Variants in CDH23 observed in about 807,000 individuals in gnomAD.
The protein encoded by CDH23 is cadherin related 23.
CDH23 carries 189 observed loss-of-function variants against 317.1 expected under a neutral mutation model. That is an observed-to-expected ratio of 0.60 (90% CI 0.53 to 0.67). The LOEUF is 0.67. CDH23 is among the 30% of genes least tolerant of loss of function. The probability of loss-of-function intolerance (pLI) is 0.00; values close to 1 mark genes in which losing one functional copy is unlikely to be tolerated. For missense variants in CDH23, 4,401 were observed against 4,592.4 expected, an observed-to-expected ratio of 0.96 and a Z score of 1.20; for synonymous variants, 1,839 against 1,876.8, an observed-to-expected ratio of 0.98 and a Z score of 0.52.
chr10:71,575,533 C>T (rs911041095), intron 8 of CDH23, among the ~76,000 whole-genome samples: 1 of 152,188 alleles, frequency 6.6e-6, no homozygotes, highest in Non-Finnish European at 1.5e-5. Flanking sequence ...CCTCCCATTA[C>T]AAACAGCGGG....
In CDH23 at chr10:71,645,895, C is replaced by A. The variant is rs373168635; in HGVS notation, c.1205C>A (p.Pro402Gln). The change falls in exon 13 of 70, where the codon CCG (proline) becomes CAG (glutamine). Residue 402 changes from proline to glutamine, a missense_variant. Physicochemically the swap from Pro to Gln is moderately conservative, Grantham distance 76. Coordinates refer to ENST00000224721, the MANE Select transcript of CDH23 (RefSeq NM_022124.6). The stretch of plus-strand genomic sequence containing the variant: ...AACTCCCACCACTTCATCATCTCCC[C>A]GACCTCCGTCCAGGGGAAGGCGGAC... Reference protein sequence around the residue: ...GNNSHHFIISPTSVQGKADIR... With the variant: ...GNNSHHFIISQTSVQGKADIR... 1 of 1,613,638 alleles carries A rather than the reference C, an allele frequency of 6.2e-7. No homozygotes were observed. Among genetic ancestry groups the A allele is most frequent in the East Asian group, 2.2e-5 (1 of 44,864 alleles).
chr10:71,613,014 G>GT (rs1399165749), intron 9 of CDH23, among the ~76,000 whole-genome samples: 1 of 152,126 alleles, frequency 6.6e-6, no homozygotes, highest in Admixed American at 6.5e-5. Context: ...ACACCCAGCT[G>GT]TTTTTTGTAT....
intron 6 of CDH23, among the ~76,000 whole-genome samples, chr10:71,539,518 T>A (rs1191228880): frequency 1.3e-5 from 2 of 152,062 alleles, no homozygotes; most frequent in African/African-American, 2.4e-5. Flanking sequence ...TCAAGCCTGA[T>A]GAACTAAATG....
At chr10:71,712,874 C>T in intron 28 of CDH23, 61 bp downstream of exon 28, 4 of 1,569,030 alleles carry the variant, frequency 2.5e-6, no homozygotes, top group Admixed American at 1.8e-5. Flanking sequence ...CCACACACGG[C>T]CCTGAGGGCA....
chr10:71,691,717 C>G (rs1468529792), intron 20 of CDH23, among the ~76,000 whole-genome samples: 2 of 152,176 alleles, frequency 1.3e-5, no homozygotes, highest in Non-Finnish European at 2.9e-5. Flanking sequence ...CAGTCACATC[C>G]AAGTAATAAT....
At chr10:71,479,017 GA>G (rs1187761470) in intron 3 of CDH23, among the ~76,000 whole-genome samples, 2 of 152,152 alleles carry the variant, frequency 1.3e-5, no homozygotes, top group African/African-American at 2.4e-5. Context: ...GCCATTTACC[GA>G]GTGTCCACTT....
chr10:71,812,197 C>A, intron 66 of CDH23, 182 bp downstream of exon 66: 1 of 1,583,892 alleles, frequency 6.3e-7, no homozygotes, highest in Non-Finnish European at 8.6e-7. Flanking sequence ...CTGACAGGGG[C>A]TCTCCACCCC....
At chr10:71,634,231 C>T (rs935284718) in intron 11 of CDH23, among the ~76,000 whole-genome samples, 3 of 152,240 alleles carry the variant, frequency 2.0e-5, no homozygotes, top group Non-Finnish European at 4.4e-5. Context: ...TGCTGCCCCT[C>T]AGGCCCTGTG....
chr10:71,560,753 C>A (rs947520819), intron 6 of CDH23, among the ~76,000 whole-genome samples: 1 of 152,092 alleles, frequency 6.6e-6, no homozygotes, highest in Non-Finnish European at 1.5e-5. Context: ...CTGAGTAGCA[C>A]AGGAGGCTGT....
chr10:71,788,525 C>T (rs561818756), intron 44 of CDH23, among the ~76,000 whole-genome samples: 7 of 151,398 alleles, frequency 4.6e-5, no homozygotes, highest in Admixed American at 6.6e-5. Flanking sequence ...GCGTGATATC[C>T]GCTCGCTGCA....
At chr10:71,586,310 A>G (rs1859061010) in intron 9 of CDH23, among the ~76,000 whole-genome samples, 1 of 152,094 alleles carries the variant, frequency 6.6e-6, no homozygotes, top group South Asian at 2.1e-4. Flanking sequence ...AATCTGTAAG[A>G]TAACTGCTTT....
At chr10:71,483,975 T>A (rs1852208366) in intron 3 of CDH23, among the ~76,000 whole-genome samples, 1 of 152,134 alleles carries the variant, frequency 6.6e-6, no homozygotes, top group Non-Finnish European at 1.5e-5. Flanking sequence ...AAGGAGGTGC[T>A]GGGTCTTGTC....
intron 38 of CDH23, among the ~76,000 whole-genome samples, chr10:71,745,277 A>T (rs1447868185): frequency 6.6e-6 from 1 of 152,200 alleles, no homozygotes; most frequent in Non-Finnish European, 1.5e-5. Context: ...ACCTGGGCCG[A>T]GTCTTGTTGG....
chr10:71,768,417 C>G (rs368115113), intron 38 of CDH23, among the ~76,000 whole-genome samples: 1 of 152,224 alleles, frequency 6.6e-6, no homozygotes, highest in South Asian at 2.1e-4. Flanking sequence ...GTGATCCACC[C>G]GCCTCGTCCT....
At chr10:71,716,795 C>T (rs1365158836) in intron 28 of CDH23, 2 of 162,944 alleles carry the variant, frequency 1.2e-5, no homozygotes, top group African/African-American at 2.4e-5. Context: ...TGGGGGCCCA[C>T]GGGTGTGTTT....
intron 1 of CDH23, among the ~76,000 whole-genome samples, chr10:71,404,683 G>T (rs746484996): frequency 2.6e-5 from 4 of 152,236 alleles, no homozygotes; most frequent in Non-Finnish European, 5.9e-5. Flanking sequence ...GGCATGCCTT[G>T]TCTTTCAGAC....
chr10:71,812,882 C>T lies in CDH23; in HGVS notation c.9625C>T (p.Pro3209Ser). The T allele has an allele frequency of 6.2e-7, 1 of 1,613,530 alleles. No individual in the cohort carries two copies. Among genetic ancestry groups the T allele is most frequent in the East Asian group, 2.2e-5 (1 of 44,860 alleles). Reference sequence around the variant, plus strand: ...GCTGGGCCAGATCATTCGTGAGGGGCCAATCAAGGTGAGCCTTCCCTGCAG... The same window carrying T: ...GCTGGGCCAGATCATTCGTGAGGGGTCAATCAAGGTGAGCCTTCCCTGCAG... ...AKLGQIIREG[P>S]IKGSLLKVVL... is the part of the protein sequence containing the mutation. Residue 3209 changes from proline (P) to serine (S), a missense_variant, in exon 68 of 70, where the codon CCA (proline) becomes TCA (serine). Physicochemically the swap from Pro to Ser is moderately conservative, Grantham distance 74 (BLOSUM62 -1). This residue lies in a region of CDH23 where 1,144 missense variants were observed against 1,138.2 expected (regional missense o/e 1.01). Transcript: ENST00000224721.
chr10:71,695,614 A>G (rs1373197182), intron 22 of CDH23, 89 bp downstream of exon 22: 24 of 888,792 alleles, frequency 2.7e-5, no homozygotes, highest in South Asian at 5.6e-5. Context: ...GCCTTCCCCT[A>G]TGGGGCTGGT....
intron 6 of CDH23, among the ~76,000 whole-genome samples, chr10:71,555,348 C>T (rs995044510): frequency 1.3e-5 from 2 of 152,176 alleles, no homozygotes; most frequent in Non-Finnish European, 2.9e-5. Flanking sequence ...TTTTTCTTTG[C>T]GCACAGCCCT....
Sources: allele counts gnomAD v4.1 joint callset (sites outside exome capture counted in the v4.1 genomes callset), GRCh38; gene constraint gnomAD v4.1.1; regional missense constraint gnomAD v4.1.1; transcripts MANE v1.5; gene names NCBI Gene and HGNC (gene_info 2026-07-23, HGNC 2026-07-21).